MYRIP: variants seen among roughly 807,000 people sequenced by gnomAD.
MYRIP encodes myosin VIIA and Rab interacting protein.
Under a neutral mutation model 98.0 loss-of-function variants are expected in MYRIP, and 49 were observed. The observed-to-expected ratio is 0.50, with a 90% confidence interval of 0.40 to 0.63. The LOEUF (loss-of-function observed/expected upper bound fraction) is 0.63, where lower values mean the gene tolerates loss of function less well. MYRIP is among the 30% of genes least tolerant of loss of function. The probability of loss-of-function intolerance (pLI) is 0.00; values close to 1 mark genes in which losing one functional copy is unlikely to be tolerated. For missense variants in MYRIP, 1,004 were observed against 1,058.2 expected (o/e 0.95, Z 0.71); for synonymous variants, 404 against 409.5 (o/e 0.99, Z 0.16).
chr3:39,976,979 T>C (rs1287688890), intron 2 of MYRIP, among the ~76,000 whole-genome samples: 1 of 152,070 alleles, frequency 6.6e-6, no homozygotes, highest in Non-Finnish European at 1.5e-5. Flanking sequence ...GACACCAACA[T>C]GGACATGTAT....
At chr3:40,249,970 G>A (rs761951698) in intron 13 of MYRIP, among the ~76,000 whole-genome samples, 4 of 151,966 alleles carry the variant, frequency 2.6e-5, no homozygotes, top group Non-Finnish European at 5.9e-5. Context: ...TTATCCCCAG[G>A]CATACTCTGA....
chr3:40,241,833 A>G (rs1463645732), intron 12 of MYRIP, among the ~76,000 whole-genome samples: 1 of 152,230 alleles, frequency 6.6e-6, no homozygotes, highest in African/African-American at 2.4e-5. Context: ...GTCCAAGTGA[A>G]TATTTTTCAA....
At chr3:39,896,900 T>C (rs1943622931) in intron 1 of MYRIP, among the ~76,000 whole-genome samples, 1 of 152,170 alleles carries the variant, frequency 6.6e-6, no homozygotes, top group Non-Finnish European at 1.5e-5. Flanking sequence ...AACCAGTACC[T>C]GTAGACACAT....
At chr3:39,945,857 T>G (rs1944888883) in intron 2 of MYRIP, among the ~76,000 whole-genome samples, 1 of 152,088 alleles carries the variant, frequency 6.6e-6, no homozygotes, top group Non-Finnish European at 1.5e-5. Context: ...TAAAAAGTAC[T>G]AATATTCTGA....
intron 5 of MYRIP, among the ~76,000 whole-genome samples, chr3:40,163,706 T>G (rs1950443982): frequency 6.6e-6 from 1 of 152,080 alleles, no homozygotes; most frequent in Non-Finnish European, 1.5e-5. Flanking sequence ...CCCTTCACAT[T>G]TGGACTGAAT....
intron 2 of MYRIP, among the ~76,000 whole-genome samples, chr3:39,963,774 A>G (rs1033249417): frequency 6.6e-5 from 10 of 152,296 alleles, no homozygotes; most frequent in African/African-American, 2.2e-4. Flanking sequence ...AGTAAAAGCA[A>G]TATTTTTCAT....
chr3:40,155,392 T>A (rs1240743006), intron 4 of MYRIP, among the ~76,000 whole-genome samples: 1 of 151,612 alleles, frequency 6.6e-6, no homozygotes, highest in African/African-American at 2.4e-5. Context: ...AGTCTATCAT[T>A]GTTGGACATT....
Position 39,990,323 on chromosome 3 carries a change from G to A in MYRIP, c.111-53727G>A, listed in dbSNP as rs982366376. Among the ~76,000 whole-genome samples the A allele has an allele frequency of 4.6e-5, 7 of 152,110 alleles. No homozygotes were observed. In the East Asian group the frequency reaches 5.8e-4, roughly 13 times the overall value. ...TCACAGCAGCCACCTAGTCATTTCCGATGTTGGAATCTGGATACCTCAGTT... is the reference window on the plus strand; with the variant it reads ...TCACAGCAGCCACCTAGTCATTTCCAATGTTGGAATCTGGATACCTCAGTT... On this transcript the variant is annotated intron_variant, in intron 2 of 16. Transcript: ENST00000302541.
At chr3:40,167,280 C>T in intron 7 of MYRIP, 41 bp downstream of exon 7, 1 of 1,584,654 alleles carries the variant, frequency 6.3e-7, no homozygotes, top group Non-Finnish European at 8.7e-7. Flanking sequence ...AGTTTCCTGG[C>T]TGGGCCTGGT....
intron 1 of MYRIP, among the ~76,000 whole-genome samples, chr3:39,836,731 G>A (rs766366393): frequency 2.0e-5 from 3 of 152,242 alleles, no homozygotes; most frequent in Non-Finnish European, 2.9e-5. Flanking sequence ...ACCCTGAGCA[G>A]CTCCGCACTC....
At chr3:40,207,292 C>T (rs565909551) in intron 10 of MYRIP, among the ~76,000 whole-genome samples, 42 of 152,240 alleles carry the variant, frequency 2.8e-4, no homozygotes, top group South Asian at 6.2e-4. Context: ...TGTCCCATGA[C>T]GACATATTAA....
At chr3:40,068,525 A>G (rs1281802788) in intron 3 of MYRIP, among the ~76,000 whole-genome samples, 1 of 152,260 alleles carries the variant, frequency 6.6e-6, no homozygotes, top group African/African-American at 2.4e-5. Context: ...AAAATTATTT[A>G]GCCCTGAAAG....
intron 2 of MYRIP, among the ~76,000 whole-genome samples, chr3:39,974,086 C>G (rs907935073): frequency 7.3e-6 from 1 of 137,770 alleles, no homozygotes; most frequent in African/African-American, 2.5e-5. Context: ...ACAAAAAACC[C>G]TATAAAAAAA....
intron 2 of MYRIP, among the ~76,000 whole-genome samples, chr3:39,907,736 C>T (rs1428966388): frequency 6.6e-6 from 1 of 152,114 alleles, no homozygotes; most frequent in African/African-American, 2.4e-5. Flanking sequence ...TATGCCCCAA[C>T]CTTTGACTTG....
chr3:39,906,296 G>A (rs961406122), intron 2 of MYRIP, among the ~76,000 whole-genome samples: 2 of 152,102 alleles, frequency 1.3e-5, no homozygotes, highest in Non-Finnish European at 2.9e-5. Context: ...GGCACCCCAT[G>A]ATATGGGCTG....
chr3:39,958,929 C>T (rs1945246809), intron 2 of MYRIP, among the ~76,000 whole-genome samples: 1 of 152,162 alleles, frequency 6.6e-6, no homozygotes, highest in Non-Finnish European at 1.5e-5. Context: ...TGAAAAAATG[C>T]TCATCATCAC....
intron 1 of MYRIP, among the ~76,000 whole-genome samples, chr3:39,888,516 A>T (rs1373848431): frequency 6.6e-6 from 1 of 152,194 alleles, no homozygotes; most frequent in Admixed American, 6.5e-5. Flanking sequence ...TATACCTTAT[A>T]CCAAAATCAA....
intron 4 of MYRIP, among the ~76,000 whole-genome samples, chr3:40,161,065 G>A (rs1163682318): frequency 6.6e-6 from 1 of 152,134 alleles, no homozygotes. Context: ...TTCTTGAAAA[G>A]GTCTGTTGCT....
intron 1 of MYRIP, among the ~76,000 whole-genome samples, chr3:39,865,884 G>A (rs4676456): frequency 0.62 from 93,855 of 151,958 alleles, 29,625 homozygotes; most frequent in African/African-American, 0.76. Context: ...TGTTCATTGC[G>A]GTACTGTCCA....
Sources: allele counts gnomAD v4.1 joint callset (sites outside exome capture counted in the v4.1 genomes callset), GRCh38; gene constraint gnomAD v4.1.1; transcripts MANE v1.5; gene names NCBI Gene and HGNC (gene_info 2026-07-23, HGNC 2026-07-21).